Variants in LRP1B observed in about 807,000 individuals in gnomAD.
LRP1B encodes LDL receptor related protein 1B.
Under a neutral mutation model 556.6 loss-of-function variants are expected in LRP1B, and 217 were observed. The ratio of observed to expected loss-of-function variants is 0.39; its 90% CI spans 0.35 to 0.44. The LOEUF is 0.44. Among genes scored for constraint, LRP1B ranks in the 20% least tolerant of loss-of-function variants. The pLI, the probability that LRP1B is intolerant of heterozygous loss-of-function variation, is 1.00. For missense variants in LRP1B, 5,053 were observed against 5,620.8 expected (o/e 0.90, Z 3.23); for synonymous variants, 2,047 against 1,865.8 (o/e 1.10, Z -2.50).
chr2:140,741,018 T>C (rs755742272), intron 35 of LRP1B, among the ~76,000 whole-genome samples: 6 of 152,168 alleles, frequency 3.9e-5, no homozygotes, highest in Middle Eastern at 3.2e-3. Context: ...TCTCAGAGAT[T>C]ATTTGTAATC....
intron 1 of LRP1B, among the ~76,000 whole-genome samples, chr2:142,010,833 G>A (rs1292713540): frequency 2.6e-5 from 4 of 152,148 alleles, no homozygotes; most frequent in African/African-American, 9.7e-5. Context: ...AGGGAAAGAA[G>A]GCGACATCAT....
At chr2:141,513,049 C>T (rs1296085014) in intron 2 of LRP1B, among the ~76,000 whole-genome samples, 7 of 152,018 alleles carry the variant, frequency 4.6e-5, no homozygotes, top group African/African-American at 2.4e-5. Context: ...ATGTGTCTAC[C>T]TCCATTATAA....
At chr2:140,520,798 G>GGAA (rs1553479552) in intron 49 of LRP1B, among the ~76,000 whole-genome samples, 3 of 86,466 alleles carry the variant, frequency 3.5e-5, no homozygotes, top group Non-Finnish European at 6.4e-5. Flanking sequence ...TAAGAAAACA[G>GGAA]AAAAAAAAAA....
In LRP1B at chr2:142,100,513, G is replaced by C. The variant is rs2104968034; in HGVS notation, c.82+30135C>G. 1.3e-5 allele frequency among the ~76,000 whole-genome samples: 2 copies of C among 152,120 alleles called. 1 individual carries two copies. Among genetic ancestry groups the C allele is most frequent in the South Asian group, 4.1e-4 (2 of 4,830 alleles). On this transcript the variant is annotated intron_variant, in intron 1 of 90. Coordinates refer to ENST00000389484, the MANE Select transcript of LRP1B (RefSeq NM_018557.3). ...TCTGCCCCTTTCATTTCTTTGGGAA[G>C]TGGGCATTCAGTGACTGAAATCAAT... is the stretch of plus-strand genomic sequence containing the variant.
intron 7 of LRP1B, among the ~76,000 whole-genome samples, chr2:141,146,397 T>G (rs945160133): frequency 6.6e-6 from 1 of 152,200 alleles, no homozygotes. Flanking sequence ...CACATTATAT[T>G]GAAATAATTA....
chr2:140,573,484 A>G (rs913791435), intron 43 of LRP1B, among the ~76,000 whole-genome samples: 12 of 151,898 alleles, frequency 7.9e-5, no homozygotes, highest in African/African-American at 2.7e-4. Flanking sequence ...ATAACTAATC[A>G]CCCCAAATTT....
At chr2:141,408,761 TCTC>T (rs1447516612) in intron 3 of LRP1B, among the ~76,000 whole-genome samples, 14 of 152,162 alleles carry the variant, frequency 9.2e-5, no homozygotes, top group African/African-American at 3.4e-4. Flanking sequence ...ATTCATGCCA[TCTC>T]CTCCATGTCT....
chr2:142,116,147 C>T (rs1230032173), intron 1 of LRP1B, among the ~76,000 whole-genome samples: 3 of 131,810 alleles, frequency 2.3e-5, no homozygotes, highest in Admixed American at 8.3e-5. Context: ...GAGCTGAGAC[C>T]GCAACACTGA....
intron 1 of LRP1B, among the ~76,000 whole-genome samples, chr2:142,085,265 CA>C (rs773605808): frequency 1.3e-5 from 2 of 152,168 alleles, no homozygotes; most frequent in Non-Finnish European, 2.9e-5. Context: ...CCTGGCTCCT[CA>C]AATAGGTGGA....
chr2:141,703,532 T>C lies in LRP1B; in HGVS notation c.205+106747A>G, dbSNP rs116780362. ...TTCCAGTACAGAGAGAAAACCATTA[T>C]GGATGTGTGCCAAGGCACTTTGGAT... is the stretch of plus-strand genomic sequence containing the variant. On this transcript the variant is annotated intron_variant, in intron 2 of 90. Transcript: ENST00000389484. Among the ~76,000 whole-genome samples the C allele has an allele frequency of 1.6e-3, 243 of 152,120 alleles. 1 individual carries two copies. The highest frequency in any genetic ancestry group is 5.6e-3 in the African/African-American group (232 of 41,558).
chr2:140,943,078 G>A (rs570163289), intron 20 of LRP1B, among the ~76,000 whole-genome samples: 1 of 152,112 alleles, frequency 6.6e-6, no homozygotes, highest in African/African-American at 2.4e-5. Context: ...CAAAGTGAAG[G>A]GATGGAAAAA....
chr2:141,814,860 G>T (rs990322410), intron 1 of LRP1B, among the ~76,000 whole-genome samples: 1 of 150,868 alleles, frequency 6.6e-6, no homozygotes, highest in African/African-American at 2.4e-5. Flanking sequence ...AAGAGGGTGG[G>T]GCATGAACAG....
intron 7 of LRP1B, among the ~76,000 whole-genome samples, chr2:141,088,907 C>G (rs964747701): frequency 5.9e-5 from 9 of 152,040 alleles, no homozygotes; most frequent in African/African-American, 2.2e-4. Flanking sequence ...GCATAGCCCT[C>G]TGAGATAACA....
chr2:140,727,753 AGTT>A (rs1480291699), intron 35 of LRP1B, among the ~76,000 whole-genome samples: 17 of 152,238 alleles, frequency 1.1e-4, no homozygotes, highest in African/African-American at 4.1e-4. Flanking sequence ...ATAGGAATGA[AGTT>A]GAACTTTCTA....
chr2:141,987,268 G>C (rs1312634355), intron 1 of LRP1B, among the ~76,000 whole-genome samples: 2 of 151,952 alleles, frequency 1.3e-5, no homozygotes, highest in African/African-American at 4.8e-5. Context: ...TTGGCTAATT[G>C]ATATGTATGT....
intron 2 of LRP1B, among the ~76,000 whole-genome samples, chr2:141,490,571 A>C (rs1240817777): frequency 6.6e-6 from 1 of 152,128 alleles, no homozygotes; most frequent in African/African-American, 2.4e-5. Flanking sequence ...ACATAGCCAA[A>C]AATTATTGTC....
intron 2 of LRP1B, among the ~76,000 whole-genome samples, chr2:141,671,447 G>C (rs1447336859): frequency 6.6e-6 from 1 of 152,092 alleles, no homozygotes; most frequent in East Asian, 1.9e-4. Flanking sequence ...AGAGGGTGGG[G>C]CCAGCCTGAT....
intron 47 of LRP1B, among the ~76,000 whole-genome samples, chr2:140,529,636 A>T (rs1270896876): frequency 6.6e-6 from 1 of 152,026 alleles, no homozygotes; most frequent in Non-Finnish European, 1.5e-5. Context: ...CTATGAACTT[A>T]GGAAAAAACA....
chr2:141,302,512 G>A (rs529101298), intron 3 of LRP1B, among the ~76,000 whole-genome samples: 10 of 151,988 alleles, frequency 6.6e-5, no homozygotes, highest in Non-Finnish European at 1.0e-4. Context: ...TTATTGGATA[G>A]CAGTCTCCTT....
Sources: gnomAD v4.1 joint callset for allele counts (sites outside exome capture counted in the v4.1 genomes callset) on GRCh38, gnomAD v4.1.1 for gene constraint, MANE v1.5 for transcripts, NCBI Gene and HGNC (gene_info 2026-07-23, HGNC 2026-07-21) for gene names.